Variants in FRMD5 observed in about 807,000 individuals in gnomAD.
FRMD5 encodes FERM domain containing 5.
Under a neutral mutation model 69.0 loss-of-function variants are expected in FRMD5, and 20 were observed. That is an observed-to-expected ratio of 0.29 (90% CI 0.20 to 0.42). The LOEUF (loss-of-function observed/expected upper bound fraction) is 0.42. Among genes scored for constraint, FRMD5 ranks in the 10% least tolerant of loss-of-function variants. The pLI, the probability that FRMD5 is intolerant of heterozygous loss-of-function variation, is 1.00. For synonymous variants in FRMD5, 271 were observed against 260.1 expected (o/e 1.04, Z -0.40); for missense variants, 595 against 708.6 (o/e 0.84, Z 1.82).
chr15:44,031,003 A>T (rs1239877307), intron 1 of FRMD5, among the ~76,000 whole-genome samples: 1 of 151,784 alleles, frequency 6.6e-6, no homozygotes, highest in Non-Finnish European at 1.5e-5. Flanking sequence ...AAAGTGATGC[A>T]GGAGGAGTGT....
chr15:44,018,561 T>C (rs1242795659), intron 1 of FRMD5, among the ~76,000 whole-genome samples: 5 of 152,178 alleles, frequency 3.3e-5, no homozygotes, highest in African/African-American at 4.8e-5. Flanking sequence ...AAGTTCTCAA[T>C]CTATTCACTT....
chr15:44,123,199 G>C (rs2076979646), intron 1 of FRMD5, among the ~76,000 whole-genome samples: 1 of 151,984 alleles, frequency 6.6e-6, no homozygotes, highest in Admixed American at 6.6e-5. Context: ...ACAAAAATTA[G>C]CCAGGCATTG....
chr15:44,128,520 G>A (rs2077054362), intron 1 of FRMD5, among the ~76,000 whole-genome samples: 2 of 152,254 alleles, frequency 1.3e-5, no homozygotes. Flanking sequence ...TCACAAAGTA[G>A]TATCATTGAG....
At chr15:44,108,741 G>A (rs1403756791) in intron 1 of FRMD5, among the ~76,000 whole-genome samples, 1 of 151,942 alleles carries the variant, frequency 6.6e-6, no homozygotes, top group Admixed American at 6.6e-5. Context: ...AAGACAGGAG[G>A]ATCTCTGAAG....
rs183193994 is a variant in FRMD5 at position 44,005,730 on chromosome 15, A to C, written c.103-81421T>G. On this transcript the variant is annotated intron_variant, in intron 1 of 13. Coordinates refer to ENST00000417257, the MANE Select transcript of FRMD5 (RefSeq NM_032892.5). ...ACAACCAGATCTCATGATAACTCTT[A>C]TCCCAAGAACAGCACTAGGGGGATG... 2.0e-5 allele frequency among the ~76,000 whole-genome samples: 3 copies of C among 152,214 alleles called. No homozygotes were observed. The East Asian group carries it at 5.8e-4, about 29-fold the overall frequency.
intron 1 of FRMD5, among the ~76,000 whole-genome samples, chr15:44,172,166 C>T (rs1034493203): frequency 5.9e-5 from 9 of 151,712 alleles, no homozygotes; most frequent in Admixed American, 4.6e-4. Flanking sequence ...TCATGGTTCA[C>T]GGCAGCCTCG....
chr15:44,011,390 G>A (rs1454639613), intron 1 of FRMD5, among the ~76,000 whole-genome samples: 1 of 152,156 alleles, frequency 6.6e-6, no homozygotes, highest in Non-Finnish European at 1.5e-5. Flanking sequence ...AACTGTTGTG[G>A]GGATCACTAA....
upstream of FRMD5, among the ~76,000 whole-genome samples, chr15:44,198,385 C>T (rs76907701): frequency 6.6e-5 from 10 of 151,114 alleles, no homozygotes; most frequent in South Asian, 2.1e-4. Context: ...CTCACCTCAC[C>T]GAAAGACCAG....
intron 11 of FRMD5, 123 bp downstream of exon 11, chr15:43,885,558 T>C (rs117099925): frequency 5.2e-6 from 4 of 766,488 alleles, no homozygotes; most frequent in Non-Finnish European, 7.0e-6. Flanking sequence ...GAGAATTAGA[T>C]GGAGACCTCA....
At position 43,891,626 on chromosome 15, in the gene FRMD5, C is replaced by T. The variant is rs115601749; in HGVS notation, c.728+355G>A. On this transcript the variant is annotated intron_variant, in intron 8 of 13. Coordinates refer to ENST00000417257, the MANE Select transcript of FRMD5 (RefSeq NM_032892.5). ...CACAGAGATGCTCCAGAACAGCCGG[C>T]TCAACAGGGCTAACTATGACCCTCA... Among the ~76,000 whole-genome samples, 873 of 152,274 alleles carry T rather than the reference C, an allele frequency of 5.7e-3. 7 individuals are homozygous for T. Among genetic ancestry groups the T allele is most frequent in the African/African-American group, 0.02 (824 of 41,542 alleles).
rs75597456 is a variant in FRMD5, at chr15:44,164,598, T to C, written c.102+30355A>G. ...AAATAACATAAATATAATGGATTTT[T>C]TCCTGCTCAACATGGGAACTACTTT... is the stretch of plus-strand genomic sequence containing the variant. On this transcript the variant is annotated intron_variant, in intron 1 of 13. Transcript: ENST00000417257. 3.7e-3 allele frequency among the ~76,000 whole-genome samples: 571 copies of C among 152,354 alleles called. 7 individuals are homozygous for C. Among genetic ancestry groups the C allele is most frequent in the African/African-American group, 0.013 (549 of 41,574 alleles).
At position 43,871,085 on chromosome 15, in the gene FRMD5, A is replaced by C. The variant is rs967892794; in HGVS notation, c.*2800T>G. On this transcript the variant is annotated 3_prime_UTR_variant, in exon 14 of 14. Transcript: ENST00000417257. The stretch of plus-strand genomic sequence containing the variant: ...AACTAATTTTGAGAGAAAATGAGAG[A>C]CATGTTAGAACACAGTATAACCAGG... 2 of 152,208 alleles carry C rather than the reference A, an allele frequency of 1.3e-5. No homozygotes were observed. The highest frequency in any genetic ancestry group is 4.8e-5 in the African/African-American group (2 of 41,454). 9.4% of individuals were successfully genotyped at this position (152,208 alleles called of 1,614,324 possible). A position where few individuals can be genotyped will look rare whatever the true frequency, so the allele number is the denominator to read the frequency against.
upstream of FRMD5, among the ~76,000 whole-genome samples, chr15:44,199,390 G>A (rs1042287773): frequency 3.9e-5 from 6 of 152,134 alleles, no homozygotes; most frequent in African/African-American, 1.4e-4. Flanking sequence ...TCTCCAGCAA[G>A]AGTTCCCCTG....
At chr15:44,187,692 T>C (rs564839617) in intron 1 of FRMD5, among the ~76,000 whole-genome samples, 24 of 151,990 alleles carry the variant, frequency 1.6e-4, no homozygotes, top group African/African-American at 4.8e-4. Flanking sequence ...CTCAGCCCCC[T>C]CATGTAGCTA....
intron 13 of FRMD5, among the ~76,000 whole-genome samples, chr15:43,877,351 T>G (rs113539845): frequency 6.6e-6 from 1 of 152,238 alleles, no homozygotes; most frequent in Admixed American, 6.5e-5. Flanking sequence ...TTTCCCCTTC[T>G]TCCAGGACAT....
rs879666901 is a variant in FRMD5, at chr15:44,038,797, T to C, written c.103-114488A>G. Among the ~76,000 whole-genome samples the C allele has an allele frequency of 9.2e-5, 14 of 152,150 alleles. No homozygotes were observed. The South Asian group carries it at 1.9e-3, about 20-fold the overall frequency. ...AGCCAAGGGCAGCCTTGAGAGACTG[T>C]ACCGGGAGGAACAGTGCACTGCGGC... On this transcript the variant is annotated intron_variant, in intron 1 of 13. Coordinates refer to ENST00000417257, the MANE Select transcript of FRMD5 (RefSeq NM_032892.5).
chr15:43,892,003 T>C lies in FRMD5; in HGVS notation c.706A>G (p.Lys236Glu), dbSNP rs745388181. ...PFGFVVLQGN[K>E]RVHFIKWNEV... is the part of the protein sequence containing the mutation. Reference sequence around the variant, plus strand: ...CACCATTTAATGAAGTGGACCCTCTTGTTTCCTTGAAGAACAACAAACCCA... The same window carrying C: ...CACCATTTAATGAAGTGGACCCTCTCGTTTCCTTGAAGAACAACAAACCCA... Residue 236 changes from lysine (K) to glutamate (E), a missense_variant, in exon 8 of 14, where the codon AAG becomes GAG. Around this residue, in one of 5 missense-constraint regions of FRMD5, gnomAD observed 176 missense variants for 266.3 expected, o/e 0.66. Transcript: ENST00000417257. The C allele has an allele frequency of 1.9e-6, 3 of 1,614,024 alleles. No individual in the cohort carries two copies. The African/African-American group carries it at 4.0e-5, about 22-fold the overall frequency.
chr15:43,881,683 T>TGCAACCAATGGGGTGGGCAA (rs2088534137), intron 13 of FRMD5, among the ~76,000 whole-genome samples: 2 of 152,192 alleles, frequency 1.3e-5, no homozygotes, highest in Admixed American at 1.3e-4. Flanking sequence ...TTAGCTTCCT[T>TGCAACCAATGGGGTGGGCAA]GCAACCAATG....
intron 1 of FRMD5, among the ~76,000 whole-genome samples, chr15:44,100,047 CTTTTTTTTTTTTT>C (rs375230009): frequency 7.7e-6 from 1 of 129,272 alleles, no homozygotes; most frequent in South Asian, 2.5e-4. Context: ...TTCTTCTTCT[CTTTTTTTTTTTTT>C]TTTTTTTTAA....
Sources: allele counts gnomAD v4.1 joint callset (sites outside exome capture counted in the v4.1 genomes callset), GRCh38; gene constraint gnomAD v4.1.1; regional missense constraint gnomAD v4.1.1; transcripts MANE v1.5; gene names NCBI Gene and HGNC (gene_info 2026-07-23, HGNC 2026-07-21).